Variants in NAA38 observed in about 807,000 individuals in gnomAD.
NAA38 encodes N-alpha-acetyltransferase 38, NatC auxiliary subunit.
A neutral mutation model predicts 12.6 loss-of-function variants in NAA38; 15 were observed. The ratio of observed to expected loss-of-function variants is 1.19; its 90% CI spans 0.79 to 1.83. The LOEUF (loss-of-function observed/expected upper bound fraction) is 1.83, where lower values mean the gene tolerates loss of function less well. NAA38 is among the 40% of genes most tolerant of loss of function. NAA38 has a pLI of 0.00. For missense variants in NAA38, 183 were observed against 171.7 expected, an observed-to-expected ratio of 1.07 and a Z score of -0.37; for synonymous variants, 88 against 69.9, an observed-to-expected ratio of 1.26 and a Z score of -1.29.
intron 3 of NAA38, chr17:7,864,641 C>A (rs1055889499): frequency 2.6e-5 from 4 of 152,154 alleles, no homozygotes; most frequent in African/African-American, 9.7e-5. Flanking sequence ...TGGCAGCTCA[C>A]GCCTGTAATC....
rs2078826955 is a variant in NAA38, at chr17:7,857,130, G to A, written c.150C>T (p.Asn50=). 7 of 1,613,200 alleles carry A rather than the reference G, an allele frequency of 4.3e-6. No individual in the cohort carries two copies. Among genetic ancestry groups the A allele is most frequent in the Non-Finnish European group, 5.1e-6 (6 of 1,180,052 alleles). Residue 50 remains asparagine (N), a synonymous_variant, in exon 2 of 3, where the codon AAC becomes AAT. Coordinates refer to ENST00000575771, the MANE Select transcript of NAA38 (RefSeq NM_001320925.4). ...CTGTCATGCGAATGCGCATAGTCTT[G>A]TTGAGCAGCGCCTCTAGCTGCTGTC... ...RARQQLEALL[N]KTMRIRMTDG...
chr17:7,857,049 G>T lies in NAA38; in HGVS notation c.231C>A (p.Ile77=). ...TGAGGAACTCCTGCGCCGAGCCCAG[G>T]ATGACATTGCAGTCACGGTCAGTGC... ...FLCTDRDCNV[I]LGSAQEFLKP... Residue 77 remains isoleucine (I), a synonymous_variant, in exon 2 of 3, where the codon ATC becomes ATA. Coordinates refer to ENST00000575771, the MANE Select transcript of NAA38 (RefSeq NM_001320925.4). The T allele has an allele frequency of 6.2e-7, 1 of 1,612,524 alleles. No individual in the cohort carries two copies. Among genetic ancestry groups the T allele is most frequent in the Non-Finnish European group, 8.5e-7 (1 of 1,179,222 alleles).
Position 7,857,406 on chromosome 17 carries a change from G to A in NAA38, c.58C>T (p.Arg20Cys). The change falls in exon 1 of 3, where the codon CGT becomes TGT. Residue 20 changes from arginine (R) to cysteine (C), a missense_variant. Transcript: ENST00000575771. ...LREENGCCSRRQSSSSAGDSD... is the reference protein window; with the variant it reads ...LREENGCCSRCQSSSSAGDSD... ...ACCCCAGCACTGGAGCTGCTCTGAC[G>A]CCGACTGCAACAGCCATTCTCTTCT... 1 of 1,600,818 alleles carries A rather than the reference G, an allele frequency of 6.2e-7. No homozygotes were observed. Among genetic ancestry groups the A allele is most frequent in the Non-Finnish European group, 8.5e-7 (1 of 1,175,610 alleles).
At chr17:7,867,006 T>C (rs1318024588) in intron 2 of NAA38, among the ~76,000 whole-genome samples, 1 of 152,148 alleles carries the variant, frequency 6.6e-6, no homozygotes, top group Non-Finnish European at 1.5e-5. Context: ...TGGGGAAGTA[T>C]CATCTCAAGC....
In NAA38 at chr17:7,856,727, G is replaced by C. The variant is rs759299993; in HGVS notation, c.*4C>G. On this transcript the variant is annotated 3_prime_UTR_variant, in exon 3 of 3. Transcript: ENST00000575771. ...TGAAGTCTGAAAGGTAAGCGCCATC[G>C]TGGTCAGAGATACGGAGGCCCGGTC... 2.5e-6 allele frequency: 4 copies of C among 1,610,012 alleles called. No individual in the cohort carries two copies. In the Admixed American group the frequency reaches 5.0e-5, roughly 20 times the overall value.
intron 1 of NAA38, chr17:7,885,074 C>A: frequency 1.0e-6 from 1 of 989,720 alleles, no homozygotes; most frequent in Non-Finnish European, 1.2e-6. Context: ...GCCGCCGCCC[C>A]CGCCGCCAGG....
upstream of NAA38, chr17:7,859,581 T>G: frequency 6.2e-7 from 1 of 1,614,150 alleles, no homozygotes; most frequent in Non-Finnish European, 8.5e-7. Flanking sequence ...GCAATACTTC[T>G]GTACTTCAAT....
At chr17:7,869,570 T>C (rs1279464227) in intron 2 of NAA38, among the ~76,000 whole-genome samples, 1 of 152,080 alleles carries the variant, frequency 6.6e-6, no homozygotes, top group African/African-American at 2.4e-5. Context: ...AAGACCAGCC[T>C]GGCCAACATG....
chr17:7,863,593 C>T (rs1183587591), intron 3 of NAA38: 1 of 152,100 alleles, frequency 6.6e-6, no homozygotes, highest in Non-Finnish European at 1.5e-5. Flanking sequence ...AAGTTTCTAC[C>T]CTTACAGCAA....
At chr17:7,875,713 T>C (rs1241650378) in intron 2 of NAA38, among the ~76,000 whole-genome samples, 1 of 152,198 alleles carries the variant, frequency 6.6e-6, no homozygotes, top group East Asian at 1.9e-4. Flanking sequence ...GGGTTTTTAG[T>C]ATATTCACAA....
chr17:7,857,479 C>T lies in NAA38; in HGVS notation c.-16G>A. On this transcript the variant is annotated 5_prime_UTR_variant, in exon 1 of 3. Coordinates refer to ENST00000575771, the MANE Select transcript of NAA38 (RefSeq NM_001320925.4). ...CTCCGGCCATTTGCCCGGAGGCCTCCTCTGGGCCTTTCAACTTCCTAAGCA... is the reference window on the plus strand; with the variant it reads ...CTCCGGCCATTTGCCCGGAGGCCTCTTCTGGGCCTTTCAACTTCCTAAGCA... 1 of 1,513,652 alleles carries T rather than the reference C, an allele frequency of 6.6e-7. No individual in the cohort carries two copies. Among genetic ancestry groups the T allele is most frequent in the Middle Eastern group, 1.8e-4 (1 of 5,624 alleles). The allele number at this position is 1,513,652 out of a possible 1,614,324, so 93.8% of individuals were successfully genotyped here. A position where few individuals can be genotyped will look rare whatever the true frequency, so the allele number is the denominator to read the frequency against.
At chr17:7,885,307 C>G (rs865989299), upstream of NAA38, 104 of 157,562 alleles carry the variant, frequency 6.6e-4, 1 homozygote, top group Middle Eastern at 3.1e-3. Context: ...GCACCCCTCC[C>G]CCGCCGCCGC....
At chr17:7,857,326 C>G in intron 1 of NAA38, 57 bp downstream of exon 1, 1 of 1,612,964 alleles carries the variant, frequency 6.2e-7, no homozygotes, top group South Asian at 1.1e-5. Context: ...AGTTCCCCAC[C>G]CCCTCCATCT....
upstream of NAA38, chr17:7,858,264 G>A (rs1442080509): frequency 2.5e-6 from 4 of 1,613,910 alleles, no homozygotes; most frequent in Non-Finnish European, 3.4e-6. Context: ...ACGCGTGTAC[G>A]ACCTAACGTC....
chr17:7,880,290 GAAGT>G (rs1426213637), intron 2 of NAA38, among the ~76,000 whole-genome samples: 7 of 150,476 alleles, frequency 4.7e-5, no homozygotes, highest in African/African-American at 9.7e-5. Context: ...CAAGAAAAGA[GAAGT>G]AAGAGAGGGA....
At chr17:7,872,100 G>A (rs888911227) in intron 2 of NAA38, among the ~76,000 whole-genome samples, 1 of 152,180 alleles carries the variant, frequency 6.6e-6, no homozygotes, top group Non-Finnish European at 1.5e-5. Flanking sequence ...AGAGCACACA[G>A]TATTTACTGA....
chr17:7,859,440 A>C (rs1429169951), upstream of NAA38: 1 of 1,614,086 alleles, frequency 6.2e-7, no homozygotes, highest in East Asian at 2.2e-5. Flanking sequence ...TATAACTCAC[A>C]TGCTGCCAGC....
At chr17:7,878,636 G>T (rs1967217731) in intron 2 of NAA38, among the ~76,000 whole-genome samples, 1 of 152,168 alleles carries the variant, frequency 6.6e-6, no homozygotes, top group Non-Finnish European at 1.5e-5. Context: ...TGAGGCAGGA[G>T]AATGGCTGAA....
chr17:7,859,609 G>A (rs1307714728), upstream of NAA38: 1 of 1,613,904 alleles, frequency 6.2e-7, no homozygotes, highest in Non-Finnish European at 8.5e-7. Flanking sequence ...TCACGGAGTT[G>A]TAGGCAAGGA....
Sources: allele counts gnomAD v4.1 joint callset (sites outside exome capture counted in the v4.1 genomes callset), GRCh38; gene constraint gnomAD v4.1.1; transcripts MANE v1.5; gene names NCBI Gene and HGNC (gene_info 2026-07-23, HGNC 2026-07-21).